The following PRMT7 variants were observed in gnomAD, a reference collection of about 807,000 sequenced individuals.
PRMT7 encodes protein arginine methyltransferase 7.
Under a neutral mutation model 85.4 loss-of-function variants are expected in PRMT7, and 75 were observed. That is an observed-to-expected ratio of 0.88 (90% confidence interval 0.73 to 1.06). PRMT7 has a LOEUF of 1.06. Among genes scored for constraint, PRMT7 ranks in the 50% least tolerant of loss-of-function variants. The pLI is 0.00. For synonymous variants in PRMT7, 397 were observed against 359.5 expected (o/e 1.10, Z -1.18); for missense variants, 868 against 915.2 (o/e 0.95, Z 0.67).
rs1393024079 is a variant in PRMT7, at chr16:68,321,414, T to C, written c.96-12T>C. The C allele has an allele frequency of 6.2e-7, 1 of 1,602,786 alleles. No individual in the cohort carries two copies. On this transcript the variant is annotated splice_polypyrimidine_tract_variant and intron_variant, in intron 3 of 18. Transcript: ENST00000441236. ...GTATCATGCAAAGGTTACTGACTTT[T>C]TTGTTTTTTAGGTCATCTTATGCAG...
chr16:68,328,188 T>C, intron 5 of PRMT7: 1 of 269,618 alleles, frequency 3.7e-6, no homozygotes, highest in Admixed American at 4.1e-5. Flanking sequence ...CAGGAATGCC[T>C]CTAAAATTTC....
intron 6 of PRMT7, among the ~76,000 whole-genome samples, chr16:68,333,466 A>G (rs2084205345): frequency 6.6e-6 from 1 of 150,916 alleles, no homozygotes; most frequent in African/African-American, 2.4e-5. Context: ...GGGCAACAAG[A>G]GCAAAATTCT....
intron 6 of PRMT7, 154 bp downstream of exon 6, chr16:68,329,328 A>G (rs1475076118): frequency 5.4e-6 from 3 of 554,500 alleles, no homozygotes; most frequent in African/African-American, 3.8e-5. Flanking sequence ...GTTTCTCTTG[A>G]TGTTTATTTT....
chr16:68,348,246 A>G (rs2086699064), intron 13 of PRMT7, 96 bp from the exon 14 acceptor site: 7 of 1,068,956 alleles, frequency 6.5e-6, no homozygotes, highest in African/African-American at 1.6e-5. Flanking sequence ...TTGCCGGAAA[A>G]TTCAAAGCGG....
At chr16:68,344,782 A>T (rs1397764452) in intron 9 of PRMT7, among the ~76,000 whole-genome samples, 1 of 152,078 alleles carries the variant, frequency 6.6e-6, no homozygotes. Flanking sequence ...ACCTTTTTGT[A>T]TTTTCCCACC....
downstream of PRMT7, chr16:68,360,324 T>TA (rs1198581554): frequency 1.3e-5 from 2 of 149,124 alleles, no homozygotes; most frequent in Admixed American, 1.3e-4. Context: ...CACCCCCGTT[T>TA]ATGCTGTGAG....
chr16:68,319,711 A>AGTGTGTGTGTGTGTGT (rs369478826), intron 3 of PRMT7, among the ~76,000 whole-genome samples: 18,955 of 141,288 alleles, frequency 0.13, 1,466 homozygotes, highest in East Asian at 0.25. Context: ...TAAGAGTGAG[A>AGTGTGTGTGTGTGTGT]GTGTGTGTGT....
intron 14 of PRMT7, among the ~76,000 whole-genome samples, chr16:68,351,182 C>A (rs529633470): frequency 6.6e-6 from 1 of 152,110 alleles, no homozygotes; most frequent in Admixed American, 6.5e-5. Flanking sequence ...TGTGGGGAGG[C>A]GAGGAAGCAC....
At chr16:68,359,312 GC>G (rs2089088156), downstream of PRMT7, 1 of 152,462 alleles carries the variant, frequency 6.6e-6, no homozygotes, top group Admixed American at 6.5e-5. Context: ...TCACAGGCCA[GC>G]CCCTTGGAGG....
chr16:68,335,894 A>G lies in PRMT7; in HGVS notation c.392-1565A>G, dbSNP rs907086250. On this transcript the variant is annotated intron_variant, in intron 6 of 18. Transcript: ENST00000441236. ...CAGGTTTAAGTGATTCTCCTGCCTC[A>G]GCCTCTCAAGTAGCTGGGATTACAG... Among the ~76,000 whole-genome samples, 5 of 150,914 alleles carry G rather than the reference A, an allele frequency of 3.3e-5. No individual in the cohort carries two copies. In the East Asian group the frequency reaches 9.8e-4, roughly 30 times the overall value.
intron 3 of PRMT7, among the ~76,000 whole-genome samples, chr16:68,321,110 A>G (rs556955776): frequency 6.6e-6 from 1 of 152,216 alleles, no homozygotes; most frequent in Non-Finnish European, 1.5e-5. Context: ...CTCTAATGTA[A>G]ATACAAAAAT....
At chr16:68,333,898 A>G (rs1335385308) in intron 6 of PRMT7, among the ~76,000 whole-genome samples, 2 of 152,062 alleles carry the variant, frequency 1.3e-5, no homozygotes, top group East Asian at 1.9e-4. Flanking sequence ...TCAGCCTCCT[A>G]AGTAGCTGAT....
chr16:68,357,021 G>A (rs991902513), intron 18 of PRMT7, 33 bp from the exon 19 acceptor site: 18 of 1,573,308 alleles, frequency 1.1e-5, no homozygotes, highest in Non-Finnish European at 1.5e-5. Flanking sequence ...GTGCCAGGGA[G>A]CCCTCACCAT....
chr16:68,347,117 G>A, intron 11 of PRMT7, 94 bp from the exon 12 acceptor site: 3 of 1,186,038 alleles, frequency 2.5e-6, no homozygotes, highest in South Asian at 1.3e-5. Flanking sequence ...CTGGGCAAGT[G>A]GAGTGAGAAG....
chr16:68,356,843 C>G, intron 18 of PRMT7, 46 bp downstream of exon 18: 1 of 1,551,086 alleles, frequency 6.4e-7, no homozygotes, highest in Non-Finnish European at 8.8e-7. Context: ...ACCCTGAGAG[C>G]AGGCGCCGCC....
intron 14 of PRMT7, chr16:68,351,646 T>TGCCCCTCCC (rs1338498519): frequency 2.9e-4 from 44 of 152,912 alleles, no homozygotes; most frequent in African/African-American, 1.0e-3. Context: ...TTGCCCCTGC[T>TGCCCCTCCC]GCCCCTCCCT....
intron 14 of PRMT7, chr16:68,352,005 G>A (rs1279389493): frequency 4.6e-6 from 2 of 436,384 alleles, no homozygotes; most frequent in Non-Finnish European, 8.3e-6. Context: ...ATGTCTGGTT[G>A]TAATCTTTAC....
At chr16:68,323,169 G>A (rs1248781048) in intron 4 of PRMT7, among the ~76,000 whole-genome samples, 1 of 151,144 alleles carries the variant, frequency 6.6e-6, no homozygotes, top group East Asian at 1.9e-4. Flanking sequence ...AAACATTTTT[G>A]TGCTTTACCT....
intron 5 of PRMT7, chr16:68,328,230 C>A: frequency 4.6e-6 from 1 of 217,260 alleles, no homozygotes; most frequent in Non-Finnish European, 1.0e-5. Flanking sequence ...AAATCCTGCC[C>A]TCAGGTCAGA....
Sources: gnomAD v4.1 joint callset for allele counts (sites outside exome capture counted in the v4.1 genomes callset) on GRCh38, gnomAD v4.1.1 for gene constraint, MANE v1.5 for transcripts, NCBI Gene and HGNC (gene_info 2026-07-23, HGNC 2026-07-21) for gene names.